Variants in CTNND2 observed in about 807,000 individuals in gnomAD.
The protein encoded by CTNND2 is catenin delta-2.
A neutral mutation model predicts 144.4 loss-of-function variants in CTNND2; 22 were observed. The observed-to-expected ratio is 0.15, with a 90% CI of 0.11 to 0.22. The LOEUF (loss-of-function observed/expected upper bound fraction) is 0.22. Ranked by LOEUF, CTNND2 falls within the 10% of genes least tolerant of loss-of-function variation. The pLI is 1.00. For synonymous variants in CTNND2, 751 were observed against 695.6 expected, an observed-to-expected ratio of 1.08 and a Z score of -1.25; for missense variants, 1,353 against 1,618.8, an observed-to-expected ratio of 0.84 and a Z score of 2.82.
chr5:11,364,142 G>A (rs1243106286), intron 8 of CTNND2, among the ~76,000 whole-genome samples: 3 of 152,128 alleles, frequency 2.0e-5, no homozygotes, highest in Non-Finnish European at 4.4e-5. Flanking sequence ...TTTAATCCAG[G>A]AGAGCTATAT....
chr5:11,707,935 TCCA>T (rs1785797298), intron 2 of CTNND2, among the ~76,000 whole-genome samples: 5 of 152,214 alleles, frequency 3.3e-5, no homozygotes, highest in Non-Finnish European at 7.3e-5. Flanking sequence ...CTAAGAACTT[TCCA>T]CTCCTAAATT....
chr5:11,809,901 G>A (rs1034809796), intron 1 of CTNND2, among the ~76,000 whole-genome samples: 5 of 152,160 alleles, frequency 3.3e-5, no homozygotes, highest in African/African-American at 1.2e-4. Flanking sequence ...CTCAATGGAA[G>A]AGCAGAACTT....
intron 9 of CTNND2, among the ~76,000 whole-genome samples, chr5:11,290,357 G>A (rs897690939): frequency 3.9e-5 from 6 of 152,170 alleles, no homozygotes; most frequent in African/African-American, 1.4e-4. Context: ...CATAAGAAGA[G>A]CTAAACCTAG....
At chr5:11,058,964 T>G (rs969694663) in intron 16 of CTNND2, among the ~76,000 whole-genome samples, 1 of 152,246 alleles carries the variant, frequency 6.6e-6, no homozygotes, top group African/African-American at 2.4e-5. Context: ...ACATTTGGAA[T>G]GGCTGTATTT....
chr5:11,097,915 G>T (rs1751511404), intron 15 of CTNND2, among the ~76,000 whole-genome samples: 1 of 152,118 alleles, frequency 6.6e-6, no homozygotes, highest in African/African-American at 2.4e-5. Context: ...TAGCGCATTG[G>T]TGACCAGACT....
chr5:11,113,561 A>G (rs1580323486), intron 13 of CTNND2, among the ~76,000 whole-genome samples: 1 of 152,324 alleles, frequency 6.6e-6, no homozygotes, highest in East Asian at 1.9e-4. Flanking sequence ...GAAAGCGGAG[A>G]AAAATATCCA....
At chr5:11,229,529 T>C (rs988304156) in intron 10 of CTNND2, among the ~76,000 whole-genome samples, 4 of 151,948 alleles carry the variant, frequency 2.6e-5, no homozygotes, top group African/African-American at 7.3e-5. Flanking sequence ...TCTCTAAAAA[T>C]AAATAAATCA....
chr5:11,069,273 G>T (rs1011587028), intron 16 of CTNND2, among the ~76,000 whole-genome samples: 7 of 152,122 alleles, frequency 4.6e-5, no homozygotes. Context: ...AACTCGGGGG[G>T]TATACAGATT....
chr5:11,866,844 C>T, intron 1 of CTNND2, among the ~76,000 whole-genome samples: 1 of 152,184 alleles, frequency 6.6e-6, no homozygotes, highest in South Asian at 2.1e-4. Flanking sequence ...GCATTCTCTT[C>T]TGTGTGGTCC....
At chr5:11,177,200 G>A (rs1438582929) in intron 11 of CTNND2, among the ~76,000 whole-genome samples, 1 of 152,120 alleles carries the variant, frequency 6.6e-6, no homozygotes, top group East Asian at 1.9e-4. Flanking sequence ...TTCTCAGCAG[G>A]GACTATATAA....
intron 2 of CTNND2, among the ~76,000 whole-genome samples, chr5:11,731,625 T>G (rs958263289): frequency 3.9e-5 from 6 of 152,190 alleles, no homozygotes; most frequent in African/African-American, 1.4e-4. Flanking sequence ...AAAGTAACAT[T>G]GGAGGAAGAA....
chr5:11,364,023 G>T (rs1028961479), intron 8 of CTNND2, among the ~76,000 whole-genome samples: 2 of 152,150 alleles, frequency 1.3e-5, no homozygotes, highest in African/African-American at 4.8e-5. Flanking sequence ...GTGTTCTCTA[G>T]CAATCTAATT....
intron 11 of CTNND2, among the ~76,000 whole-genome samples, chr5:11,176,295 C>T (rs918326214): frequency 6.6e-6 from 1 of 151,836 alleles, no homozygotes; most frequent in East Asian, 1.9e-4. Flanking sequence ...TTTATTTTTG[C>T]TGTTTCCCAC....
intron 20 of CTNND2, among the ~76,000 whole-genome samples, chr5:10,984,966 C>T (rs1255008377): frequency 1.3e-5 from 2 of 151,950 alleles, no homozygotes; most frequent in South Asian, 2.1e-4. Flanking sequence ...CCCAGCTACT[C>T]GAAACGCTGA....
At chr5:11,409,663 G>T (rs1247815691) in intron 5 of CTNND2, among the ~76,000 whole-genome samples, 1 of 151,848 alleles carries the variant, frequency 6.6e-6, no homozygotes, top group East Asian at 1.9e-4. Context: ...TCCCATCTTT[G>T]GCCCTGCTAA....
At chr5:11,419,022 CTATCTATATATAGA>C (rs1293019527) in intron 3 of CTNND2, among the ~76,000 whole-genome samples, 1 of 125,822 alleles carries the variant, frequency 7.9e-6, no homozygotes, top group African/African-American at 2.9e-5. Flanking sequence ...ATATAGATGT[CTATCTATATATAGA>C]TATATAGATA....
intron 10 of CTNND2, among the ~76,000 whole-genome samples, chr5:11,223,097 T>C (rs552279143): frequency 6.6e-6 from 1 of 152,290 alleles, no homozygotes; most frequent in Non-Finnish European, 1.5e-5. Flanking sequence ...GCCAGTTAGG[T>C]GGCTGAAGCT....
At chr5:11,277,554 G>T (rs1746672051) in intron 9 of CTNND2, among the ~76,000 whole-genome samples, 1 of 126,162 alleles carries the variant, frequency 7.9e-6, no homozygotes, top group Non-Finnish European at 1.9e-5. Flanking sequence ...TTATTTTTGA[G>T]ATGGAGTCTC....
intron 16 of CTNND2, among the ~76,000 whole-genome samples, chr5:11,044,846 C>T (rs1012588245): frequency 6.6e-6 from 1 of 152,186 alleles, no homozygotes; most frequent in African/African-American, 2.4e-5. Context: ...CAGGCCAGAG[C>T]AGAGCTGGAG....
Sources: allele counts gnomAD v4.1 joint callset (sites outside exome capture counted in the v4.1 genomes callset), GRCh38; gene constraint gnomAD v4.1.1; transcripts MANE v1.5; gene names NCBI Gene and HGNC (gene_info 2026-07-23, HGNC 2026-07-21).